The following CSMD1 variants were observed in gnomAD, a reference collection of about 807,000 sequenced individuals.
The protein encoded by CSMD1 is CUB and Sushi multiple domains 1.
CSMD1 carries 213 observed loss-of-function variants against 417.5 expected under a neutral mutation model. The ratio of observed to expected loss-of-function variants is 0.51; its 90% CI spans 0.46 to 0.57. The LOEUF is 0.57. CSMD1 is among the 20% of genes least tolerant of loss of function. CSMD1 has a pLI of 0.00. For missense variants in CSMD1, 6,923 were observed against 4,529.7 expected, an observed-to-expected ratio of 1.53 and a Z score of -15.17; for synonymous variants, 2,862 against 1,736.8, an observed-to-expected ratio of 1.65 and a Z score of -16.11.
intron 27 of CSMD1, among the ~76,000 whole-genome samples, chr8:3,227,588 A>T (rs1357500940): frequency 6.6e-6 from 1 of 152,160 alleles, no homozygotes; most frequent in African/African-American, 2.4e-5. Context: ...ATATTGGTAG[A>T]TTCAAACAAA....
intron 3 of CSMD1, among the ~76,000 whole-genome samples, chr8:4,417,974 C>G (rs1341815447): frequency 6.6e-6 from 1 of 152,004 alleles, no homozygotes; most frequent in Non-Finnish European, 1.5e-5. Context: ...TCTTACCTTA[C>G]TCTTCCACTT....
At chr8:4,020,091 T>C (rs1475577298) in intron 4 of CSMD1, among the ~76,000 whole-genome samples, 2 of 152,150 alleles carry the variant, frequency 1.3e-5, no homozygotes, top group Admixed American at 6.5e-5. Context: ...TAGCAGCTGA[T>C]ATTTTTAGAG....
intron 5 of CSMD1, among the ~76,000 whole-genome samples, chr8:3,861,599 T>C (rs567899383): frequency 1.3e-5 from 2 of 152,318 alleles, no homozygotes; most frequent in African/African-American, 4.8e-5. Context: ...GTTTCTGAGC[T>C]GAAGTGACCT....
At chr8:4,473,547 G>C (rs750728187) in intron 2 of CSMD1, among the ~76,000 whole-genome samples, 1 of 152,116 alleles carries the variant, frequency 6.6e-6, no homozygotes, top group Non-Finnish European at 1.5e-5. Flanking sequence ...CCTTTTTCTT[G>C]TACTTCTGCC....
At chr8:4,335,092 G>A (rs887668903) in intron 3 of CSMD1, among the ~76,000 whole-genome samples, 2 of 152,078 alleles carry the variant, frequency 1.3e-5, no homozygotes, top group Non-Finnish European at 2.9e-5. Flanking sequence ...TGTAGAGACA[G>A]AGCCACACAA....
chr8:3,558,284 T>G (rs1563151978), intron 10 of CSMD1, among the ~76,000 whole-genome samples: 2 of 150,140 alleles, frequency 1.3e-5, no homozygotes, highest in Non-Finnish European at 3.0e-5. Flanking sequence ...TGATGAATGG[T>G]GCCTCAATGG....
intron 20 of CSMD1, among the ~76,000 whole-genome samples, chr8:3,361,721 G>C (rs549577468): frequency 1.4e-5 from 2 of 147,818 alleles, no homozygotes; most frequent in African/African-American, 2.5e-5. Context: ...ATATTATTAT[G>C]TGCTATACCT....
At chr8:3,656,665 C>T (rs898563807) in intron 7 of CSMD1, among the ~76,000 whole-genome samples, 7 of 152,166 alleles carry the variant, frequency 4.6e-5, no homozygotes, top group South Asian at 4.1e-4. Context: ...TGGTGGCTCA[C>T]GCCTGTAATC....
chr8:4,698,742 A>T (rs1158099), intron 1 of CSMD1, among the ~76,000 whole-genome samples: 3 of 149,252 alleles, frequency 2.0e-5, no homozygotes, highest in East Asian at 4.0e-4. Context: ...CTTACCTACT[A>T]AACTCTCTGC....
At chr8:4,525,720 G>A (rs1475258459) in intron 2 of CSMD1, among the ~76,000 whole-genome samples, 2 of 152,146 alleles carry the variant, frequency 1.3e-5, no homozygotes, top group South Asian at 4.1e-4. Context: ...GGATGGTCAG[G>A]TGTCACCTCG....
intron 1 of CSMD1, among the ~76,000 whole-genome samples, chr8:4,794,490 G>C (rs950686135): frequency 1.3e-5 from 2 of 152,130 alleles, no homozygotes; most frequent in African/African-American, 4.8e-5. Context: ...TGGGCAGCAA[G>C]TCACTGTGTT....
At chr8:4,261,462 T>C (rs1048178762) in intron 3 of CSMD1, among the ~76,000 whole-genome samples, 1 of 152,222 alleles carries the variant, frequency 6.6e-6, no homozygotes, top group African/African-American at 2.4e-5. Context: ...AGTTCGAAGA[T>C]GCATCAGCCC....
chr8:4,375,311 A>G (rs955055657), intron 3 of CSMD1, among the ~76,000 whole-genome samples: 5 of 152,058 alleles, frequency 3.3e-5, no homozygotes, highest in African/African-American at 7.2e-5. Context: ...CTCCAAAAGC[A>G]CCTTTCTTCC....
intron 1 of CSMD1, among the ~76,000 whole-genome samples, chr8:4,684,788 T>TTAATTATTGAGAACAGTAAG (rs1264611817): frequency 4.6e-5 from 7 of 152,218 alleles, no homozygotes; most frequent in Admixed American, 6.5e-5. Flanking sequence ...TTTTGCAATT[T>TTAATTATTGAGAACAGTAAG]TAATTATTGA....
chr8:4,362,933 G>C (rs767082880), intron 3 of CSMD1, among the ~76,000 whole-genome samples: 1 of 152,104 alleles, frequency 6.6e-6, no homozygotes, highest in Non-Finnish European at 1.5e-5. Flanking sequence ...AAACTGTTAG[G>C]ACAAGTCTAT....
intron 50 of CSMD1, among the ~76,000 whole-genome samples, chr8:3,042,059 T>G (rs532527031): frequency 6.6e-6 from 1 of 152,272 alleles, no homozygotes; most frequent in African/African-American, 2.4e-5. Flanking sequence ...CAAGCCTCCC[T>G]CATCATCACA....
intron 40 of CSMD1, among the ~76,000 whole-genome samples, chr8:3,149,855 A>G (rs894332284): frequency 5.9e-5 from 9 of 152,220 alleles, no homozygotes; most frequent in Non-Finnish European, 1.2e-4. Flanking sequence ...CACCTCCTTC[A>G]GGGATAGCTG....
intron 3 of CSMD1, among the ~76,000 whole-genome samples, chr8:4,195,298 A>G (rs1799265426): frequency 6.6e-6 from 1 of 152,150 alleles, no homozygotes; most frequent in African/African-American, 2.4e-5. Context: ...CACAATCATA[A>G]TATTAATAGG....
intron 54 of CSMD1, among the ~76,000 whole-genome samples, chr8:2,990,296 C>T (rs568371284): frequency 6.6e-6 from 1 of 152,158 alleles, no homozygotes; most frequent in Non-Finnish European, 1.5e-5. Context: ...TTCATGTATT[C>T]CTCTGAGAAC....
Sources: allele counts gnomAD v4.1 joint callset (sites outside exome capture counted in the v4.1 genomes callset), GRCh38; gene constraint gnomAD v4.1.1; transcripts MANE v1.5; gene names NCBI Gene and HGNC (gene_info 2026-07-23, HGNC 2026-07-21).